The following RGS20 variants were observed in gnomAD, a reference collection of about 807,000 sequenced individuals.
RGS20 encodes regulator of G protein signaling 20, also known as gz-selective GTPase-activating protein.
In RGS20, 30 loss-of-function variants were observed where a neutral mutation model predicts 33.6. The observed-to-expected ratio is 0.89, with a 90% confidence interval of 0.67 to 1.21. The LOEUF is 1.21. RGS20 is among the 50% of genes most tolerant of loss of function. The pLI is 0.00. For synonymous variants in RGS20, 208 were observed against 197.9 expected (o/e 1.05, Z -0.43); for missense variants, 472 against 502.4 (o/e 0.94, Z 0.58).
intron 2 of RGS20, among the ~76,000 whole-genome samples, chr8:53,920,485 G>A (rs1341698346): frequency 6.6e-6 from 1 of 152,046 alleles, no homozygotes; most frequent in Non-Finnish European, 1.5e-5. Flanking sequence ...TAGAGATATA[G>A]AGATAGTTTT....
intron 1 of RGS20, among the ~76,000 whole-genome samples, chr8:53,862,483 G>A (rs561880316): frequency 7.9e-5 from 12 of 152,264 alleles, no homozygotes; most frequent in Middle Eastern, 3.4e-3. Flanking sequence ...AAGGTGCAGC[G>A]TTCCTTGGTT....
At chr8:53,915,127 G>A (rs896010659) in intron 2 of RGS20, among the ~76,000 whole-genome samples, 8 of 148,124 alleles carry the variant, frequency 5.4e-5, no homozygotes, top group South Asian at 2.2e-4. Context: ...CCTGGGCAAC[G>A]GAGTGTGGCT....
At chr8:53,873,199 C>G (rs1812118280) in intron 1 of RGS20, among the ~76,000 whole-genome samples, 1 of 152,164 alleles carries the variant, frequency 6.6e-6, no homozygotes, top group South Asian at 2.1e-4. Context: ...TGAATAAAAC[C>G]TCCCTTAGAC....
chr8:53,959,129 A>G lies in RGS20; in HGVS notation c.*671A>G, dbSNP rs2129295600. The G allele has an allele frequency of 6.6e-6, 1 of 152,292 alleles. No individual in the cohort carries two copies. The highest frequency in any genetic ancestry group is 1.9e-4 in the East Asian group (1 of 5,186). 9.4% of individuals were successfully genotyped at this position (152,292 alleles called of 1,614,324 possible). A position where few individuals can be genotyped will look rare whatever the true frequency, so the allele number is the denominator to read the frequency against. On this transcript the variant is annotated 3_prime_UTR_variant, in exon 6 of 6. Coordinates refer to ENST00000297313, the MANE Select transcript of RGS20 (RefSeq NM_170587.4). The stretch of plus-strand genomic sequence containing the variant: ...CAGTGCTTAGAAAATTCTTTTGTTG[A>G]AAAGAGTTACTGTTATTATCAGAAT...
chr8:53,920,868 C>G (rs983133788), intron 2 of RGS20, among the ~76,000 whole-genome samples: 3 of 152,218 alleles, frequency 2.0e-5, no homozygotes, highest in African/African-American at 7.2e-5. Flanking sequence ...AAGCGATTCT[C>G]CTGCCTCAGC....
In RGS20 at chr8:53,957,320, G is replaced by A. The variant is rs150939190; in HGVS notation, c.979-950G>A. Among the ~76,000 whole-genome samples, 17 of 152,246 alleles carry A rather than the reference G, an allele frequency of 1.1e-4. No individual in the cohort carries two copies. In the East Asian group the frequency reaches 3.1e-3, roughly 28 times the overall value. On this transcript the variant is annotated intron_variant, in intron 5 of 5. Coordinates refer to ENST00000297313, the MANE Select transcript of RGS20 (RefSeq NM_170587.4). ...ATTTTTTATTTTTAGTAGAGATGGG[G>A]TTTTGCCATGTTGGCCAGGCTGGTT... is the stretch of plus-strand genomic sequence containing the variant.
intron 3 of RGS20, among the ~76,000 whole-genome samples, chr8:53,944,871 C>T (rs1814425414): frequency 1.3e-5 from 2 of 152,182 alleles, no homozygotes; most frequent in South Asian, 4.1e-4. Flanking sequence ...AGATGTTCCA[C>T]ATCAGTAGTC....
intron 4 of RGS20, 94 bp from the exon 4 acceptor site, chr8:53,953,982 C>A: frequency 2.3e-6 from 2 of 888,266 alleles, no homozygotes; most frequent in Non-Finnish European, 3.8e-6. Flanking sequence ...ATTTTTCATT[C>A]TTGGAGGAGG....
At chr8:53,947,569 T>C (rs1020521572) in intron 4 of RGS20, among the ~76,000 whole-genome samples, 448 of 131,758 alleles carry the variant, frequency 3.4e-3, no homozygotes, top group Non-Finnish European at 5.1e-3. Context: ...ATATAGGATA[T>C]AGTATATACA....
At chr8:53,933,779 T>C (rs1814045075) in intron 2 of RGS20, 1 of 152,050 alleles carries the variant, frequency 6.6e-6, no homozygotes, top group Non-Finnish European at 1.5e-5. Flanking sequence ...ATATTCCTCG[T>C]AGAGAGCAAC....
chr8:53,859,873 C>T (rs1229517967), intron 1 of RGS20, among the ~76,000 whole-genome samples: 1 of 152,162 alleles, frequency 6.6e-6, no homozygotes, highest in Non-Finnish European at 1.5e-5. Context: ...ATCATGAGAA[C>T]AGCATGGGAA....
chr8:53,869,214 A>C (rs1811997578), intron 1 of RGS20, among the ~76,000 whole-genome samples: 1 of 152,216 alleles, frequency 6.6e-6, no homozygotes, highest in African/African-American at 2.4e-5. Context: ...CAGGAGCTTT[A>C]GTTTATTTCA....
chr8:53,905,132 A>G (rs976054235), intron 2 of RGS20, among the ~76,000 whole-genome samples: 3 of 152,260 alleles, frequency 2.0e-5, no homozygotes, highest in Non-Finnish European at 4.4e-5. Context: ...GTAAGCATCC[A>G]TCTGGAAGTA....
chr8:53,933,482 A>G (rs978676264), intron 2 of RGS20, among the ~76,000 whole-genome samples: 3 of 152,204 alleles, frequency 2.0e-5, no homozygotes, highest in Admixed American at 2.0e-4. Context: ...TCAATAGCCG[A>G]ATTGATCAAG....
At chr8:53,869,237 T>C (rs1322587802) in intron 1 of RGS20, among the ~76,000 whole-genome samples, 1 of 152,252 alleles carries the variant, frequency 6.6e-6, no homozygotes, top group Non-Finnish European at 1.5e-5. Flanking sequence ...TTTGTTTTTC[T>C]TTTTAGTTAG....
intron 2 of RGS20, chr8:53,881,030 CG>C: frequency 6.3e-7 from 1 of 1,583,046 alleles, no homozygotes; most frequent in Non-Finnish European, 8.5e-7. Context: ...GCACGGCGGA[CG>C]GAGGCGAGCC....
At chr8:53,888,456 G>T (rs1812609319) in intron 2 of RGS20, among the ~76,000 whole-genome samples, 1 of 152,152 alleles carries the variant, frequency 6.6e-6, no homozygotes, top group South Asian at 2.1e-4. Context: ...TTAGATCAGG[G>T]TTTCTCACCT....
intron 1 of RGS20, among the ~76,000 whole-genome samples, chr8:53,868,899 C>T (rs539887377): frequency 4.6e-5 from 7 of 152,110 alleles, no homozygotes; most frequent in Middle Eastern, 3.4e-3. Flanking sequence ...ATTACAGGTA[C>T]GCACCACCAC....
At chr8:53,915,807 G>A (rs546818282) in intron 2 of RGS20, among the ~76,000 whole-genome samples, 4 of 152,168 alleles carry the variant, frequency 2.6e-5, no homozygotes, top group Middle Eastern at 3.4e-3. Flanking sequence ...CTATGTTGTC[G>A]AGGCTGGTCT....
Sources: allele counts gnomAD v4.1 joint callset (sites outside exome capture counted in the v4.1 genomes callset), GRCh38; gene constraint gnomAD v4.1.1; transcripts MANE v1.5; gene names NCBI Gene and HGNC (gene_info 2026-07-23, HGNC 2026-07-21).